The following INPP5A variants were observed in gnomAD, a reference collection of about 807,000 sequenced individuals.
The protein encoded by INPP5A is 43 kDa inositol polyphosphate 5-phophatase.
In INPP5A, 14 loss-of-function variants were observed where a neutral mutation model predicts 65.2. The observed-to-expected ratio is 0.21, with a 90% CI of 0.14 to 0.34. The LOEUF is 0.34. Among genes scored for constraint, INPP5A ranks in the 10% least tolerant of loss-of-function variants. The probability of loss-of-function intolerance (pLI) is 1.00; values close to 1 mark genes in which losing one functional copy is unlikely to be tolerated. For synonymous variants in INPP5A, 207 were observed against 208.3 expected, an observed-to-expected ratio of 0.99 and a Z score of 0.05; for missense variants, 431 against 545.6, an observed-to-expected ratio of 0.79 and a Z score of 2.09.
chr10:132,698,068 GCTTCTGTGGTTGGT>G lies in INPP5A; in HGVS notation c.474+152_474+165del, dbSNP rs1845374753. ...ATAATCTGTCTTCCTGGGAGTCCAG[GCTTCTGTGGTTGGT>G]CTGGGCTGTCACACGTAAGGGCAGT... On this transcript the variant is annotated intron_variant, in intron 6 of 15. Transcript: ENST00000368594. This position sits in a 1 kb window ranked among gnomAD's most constrained non-coding sequence, Gnocchi z 5.5. 4.6e-6 allele frequency: 3 copies of G among 648,992 alleles called. No individual in the cohort carries two copies. The highest frequency in any genetic ancestry group is 8.4e-6 in the Non-Finnish European group (3 of 356,476). 40.2% of individuals were successfully genotyped at this position (648,992 alleles called of 1,614,324 possible). A position where few individuals can be genotyped will look rare whatever the true frequency, so the allele number is the denominator to read the frequency against.
At chr10:132,692,823 T>C (rs1219735654) in intron 5 of INPP5A, among the ~76,000 whole-genome samples, 2 of 152,222 alleles carry the variant, frequency 1.3e-5, no homozygotes, top group African/African-American at 4.8e-5. Context: ...GGAAATATCA[T>C]ATAGCCCAGA....
rs911333249 is a variant in INPP5A at position 132,698,489 on chromosome 10, C to T, written c.474+570C>T. Among the ~76,000 whole-genome samples, 1 of 152,244 alleles carries T rather than the reference C, an allele frequency of 6.6e-6. No homozygotes were observed. ...CGGTGTTGATGAGAAATTGGTGTTT[C>T]CTTCTGGCGGCCATGCACTTTGCTG... On this transcript the variant is annotated intron_variant, in intron 6 of 15. Coordinates refer to ENST00000368594, the MANE Select transcript of INPP5A (RefSeq NM_005539.5). This position sits in a 1 kb window ranked among gnomAD's most constrained non-coding sequence, Gnocchi z 5.5.
At chr10:132,692,472 A>C (rs1845283666) in intron 5 of INPP5A, among the ~76,000 whole-genome samples, 1 of 152,218 alleles carries the variant, frequency 6.6e-6, no homozygotes, top group Non-Finnish European at 1.5e-5. Context: ...TAAATGCCAG[A>C]AAGTCAACCC....
In INPP5A at chr10:132,762,170, G is replaced by A. The variant is rs536594003; in HGVS notation, c.904-3603G>A. 3.7e-4 allele frequency among the ~76,000 whole-genome samples: 56 copies of A among 152,302 alleles called. No homozygotes were observed. The East Asian group carries it at 5.4e-3, about 15-fold the overall frequency. On this transcript the variant is annotated intron_variant, in intron 11 of 15. Coordinates refer to ENST00000368594, the MANE Select transcript of INPP5A (RefSeq NM_005539.5). The surrounding 1 kb of genome is among the most constrained non-coding windows in gnomAD (Gnocchi z 4.6). The stretch of plus-strand genomic sequence containing the variant: ...GAGGAGGGAAGAGCCCAGCGCTTGC[G>A]CAGTGAGGGTCCACGAGGGGCACAC...
At chr10:132,718,697 G>T (rs566344263) in intron 8 of INPP5A, among the ~76,000 whole-genome samples, 10 of 147,944 alleles carry the variant, frequency 6.8e-5, no homozygotes, top group Non-Finnish European at 1.2e-4. Flanking sequence ...CTGTCTGAGC[G>T]CCTTAGACGG....
intron 9 of INPP5A, among the ~76,000 whole-genome samples, chr10:132,730,497 C>T (rs980873700): frequency 6.6e-6 from 1 of 152,258 alleles, no homozygotes; most frequent in Non-Finnish European, 1.5e-5. Context: ...TGCAGCCCCA[C>T]CCACTCAGCT....
At chr10:132,558,598 C>T (rs2071159713) in intron 1 of INPP5A, among the ~76,000 whole-genome samples, 2 of 152,340 alleles carry the variant, frequency 1.3e-5, no homozygotes, top group South Asian at 4.1e-4. Flanking sequence ...AGGCCAGCTG[C>T]AGCTGCCGAT....
At chr10:132,730,402 TG>T (rs1785336953) in intron 9 of INPP5A, among the ~76,000 whole-genome samples, 1 of 152,212 alleles carries the variant, frequency 6.6e-6, no homozygotes, top group Admixed American at 6.5e-5. Flanking sequence ...CGGGGCTGCG[TG>T]GGCAGCGCGG....
Position 132,705,087 on chromosome 10 carries a change from G to A in INPP5A, c.475-3226G>A, listed in dbSNP as rs533583175. Among the ~76,000 whole-genome samples, 37 of 152,306 alleles carry A rather than the reference G, an allele frequency of 2.4e-4. No individual in the cohort carries two copies. On this transcript the variant is annotated intron_variant, in intron 6 of 15. Coordinates refer to ENST00000368594, the MANE Select transcript of INPP5A (RefSeq NM_005539.5). The surrounding 1 kb of genome is among the most constrained non-coding windows in gnomAD (Gnocchi z 4.9). ...AGGGGAGAGAGTCCAAGCATTGGGG[G>A]TGTCCCAGCTGCACCGTTGGTGGGA...
chr10:132,720,520 G>T (rs1401626846), intron 8 of INPP5A, among the ~76,000 whole-genome samples: 6 of 143,196 alleles, frequency 4.2e-5, no homozygotes, highest in African/African-American at 1.6e-4. Flanking sequence ...GTTCTTTGGT[G>T]CCTGGGTTCT....
At chr10:132,721,838 T>C (rs992432990) in intron 8 of INPP5A, among the ~76,000 whole-genome samples, 1 of 152,192 alleles carries the variant, frequency 6.6e-6, no homozygotes, top group Non-Finnish European at 1.5e-5. Flanking sequence ...TAGATGGCTG[T>C]CTTGCCTGCG....
At chr10:132,542,923 C>T (rs1466851271) in intron 1 of INPP5A, among the ~76,000 whole-genome samples, 1 of 152,180 alleles carries the variant, frequency 6.6e-6, no homozygotes, top group Non-Finnish European at 1.5e-5. Flanking sequence ...CTGCCTCAGC[C>T]TTCTAAGTAG....
rs1443226215 is a variant in INPP5A at position 132,555,264 on chromosome 10, G to A, written c.75+17093G>A. Among the ~76,000 whole-genome samples the A allele has an allele frequency of 2.0e-5, 3 of 152,050 alleles. No homozygotes were observed. The highest frequency in any genetic ancestry group is 4.4e-5 in the Non-Finnish European group (3 of 67,996). On this transcript the variant is annotated intron_variant, in intron 1 of 15. Coordinates refer to ENST00000368594, the MANE Select transcript of INPP5A (RefSeq NM_005539.5). This position sits in a 1 kb window ranked among gnomAD's most constrained non-coding sequence, Gnocchi z 4.4. ...CAGGCCCCTGTTCCTTCACCGTGCTGGGGAAGGGCGCTCCTGATCCCTCTG... is the reference window on the plus strand; with the variant it reads ...CAGGCCCCTGTTCCTTCACCGTGCTAGGGAAGGGCGCTCCTGATCCCTCTG...
intron 2 of INPP5A, among the ~76,000 whole-genome samples, chr10:132,631,639 G>A (rs996352744): frequency 3.3e-5 from 5 of 152,238 alleles, no homozygotes; most frequent in African/African-American, 4.8e-5. Flanking sequence ...TGGCCGTGCC[G>A]ATGGACGTGG....
rs903658276 is a variant in INPP5A at position 132,663,084 on chromosome 10, G to T, written c.306+12579G>T. Among the ~76,000 whole-genome samples, 2 of 152,210 alleles carry T rather than the reference G, an allele frequency of 1.3e-5. No homozygotes were observed. The highest frequency in any genetic ancestry group is 2.9e-5 in the Non-Finnish European group (2 of 68,046). ...CCATCAGCAGCTGGCCCCTCGAACG[G>T]ACTGTGCACACCACTGTGTGTCTCA... On this transcript the variant is annotated intron_variant, in intron 4 of 15. Transcript: ENST00000368594. This position sits in a 1 kb window ranked among gnomAD's most constrained non-coding sequence, Gnocchi z 4.5.
Position 132,690,654 on chromosome 10 carries a change from G to A in INPP5A, c.370+199G>A, listed in dbSNP as rs899635216. ...TTGGCTGTCCCACACTGGCTCCCTG[G>A]CAAGGCTCTGGTGGGGACCTGGCTT... On this transcript the variant is annotated intron_variant, in intron 5 of 15. Transcript: ENST00000368594. Among the ~76,000 whole-genome samples, 7 of 152,178 alleles carry A rather than the reference G, an allele frequency of 4.6e-5. No individual in the cohort carries two copies. The South Asian group carries it at 1.5e-3, about 32-fold the overall frequency.
rs1371439507 is a variant in INPP5A, at chr10:132,547,883, G to C, written c.75+9712G>C. 6.6e-6 allele frequency among the ~76,000 whole-genome samples: 1 copy of C among 151,970 alleles called. No homozygotes were observed. Among genetic ancestry groups the C allele is most frequent in the African/African-American group, 2.4e-5 (1 of 41,376 alleles). On this transcript the variant is annotated intron_variant, in intron 1 of 15. Coordinates refer to ENST00000368594, the MANE Select transcript of INPP5A (RefSeq NM_005539.5). This position sits in a 1 kb window ranked among gnomAD's most constrained non-coding sequence, Gnocchi z 5.5. ...GCTGGCCTTTGGCAGCAGCGTCTGGGGTGGGGACCATGGTGTCTTTTTTAA... is the reference window on the plus strand; with the variant it reads ...GCTGGCCTTTGGCAGCAGCGTCTGGCGTGGGGACCATGGTGTCTTTTTTAA...
At chr10:132,738,943 A>C (rs1228435861) in intron 9 of INPP5A, among the ~76,000 whole-genome samples, 1 of 152,160 alleles carries the variant, frequency 6.6e-6, no homozygotes, top group African/African-American at 2.4e-5. Context: ...CACTTTTGTC[A>C]AGTGATAGGG....
chr10:132,682,855 C>A (rs950156240), intron 4 of INPP5A, among the ~76,000 whole-genome samples: 2 of 147,692 alleles, frequency 1.4e-5, no homozygotes, highest in African/African-American at 5.0e-5. Flanking sequence ...GTAAGGCCAT[C>A]TGTGTATTAT....
Sources: gnomAD v4.1 joint callset for allele counts (sites outside exome capture counted in the v4.1 genomes callset) on GRCh38, gnomAD v4.1.1 for gene constraint, Gnocchi (gnomAD v3.1) non-coding constraint, MANE v1.5 for transcripts, NCBI Gene and HGNC (gene_info 2026-07-23, HGNC 2026-07-21) for gene names.